ANO3: variants seen among roughly 807,000 people sequenced by gnomAD.
ANO3 encodes anoctamin 3, also known as anoctamin-3.
Under a neutral mutation model 144.8 loss-of-function variants are expected in ANO3, and 99 were observed. The ratio of observed to expected loss-of-function variants is 0.68; its 90% CI spans 0.58 to 0.81. The LOEUF (loss-of-function observed/expected upper bound fraction) is 0.81, where lower values mean the gene tolerates loss of function less well. Among genes scored for constraint, ANO3 ranks in the 30% least tolerant of loss-of-function variants. ANO3 has a pLI of 0.00. For synonymous variants in ANO3, 414 were observed against 392.6 expected (o/e 1.05, Z -0.64); for missense variants, 905 against 1,202.2 (o/e 0.75, Z 3.66).
intron 1 of ANO3, among the ~76,000 whole-genome samples, chr11:26,202,756 C>G (rs958831643): frequency 2.0e-5 from 3 of 151,950 alleles, no homozygotes; most frequent in Non-Finnish European, 4.4e-5. Flanking sequence ...TAATGCCAAC[C>G]CAGAAACCAT....
At chr11:26,387,153 T>C (rs1450484873) in intron 1 of ANO3, among the ~76,000 whole-genome samples, 2 of 135,824 alleles carry the variant, frequency 1.5e-5, no homozygotes, top group Non-Finnish European at 3.2e-5. Flanking sequence ...TTTTTTTTTT[T>C]AGTAGAGACA....
chr11:26,504,322 C>A (rs1444966266), intron 4 of ANO3, among the ~76,000 whole-genome samples: 2 of 152,124 alleles, frequency 1.3e-5, no homozygotes, highest in Non-Finnish European at 2.9e-5. Context: ...ATACATAGAA[C>A]TATGCGTATT....
chr11:26,275,479 A>C (rs950662279), intron 1 of ANO3, among the ~76,000 whole-genome samples: 2 of 152,122 alleles, frequency 1.3e-5, no homozygotes, highest in African/African-American at 4.8e-5. Context: ...TAAATGCTGA[A>C]GCCCATAGTT....
chr11:26,369,003 T>C lies in ANO3; in HGVS notation c.46+36682T>C, dbSNP rs115866743. Among the ~76,000 whole-genome samples the C allele has an allele frequency of 9.0e-3, 1,371 of 152,270 alleles. 13 individuals are homozygous for C. The highest frequency in any genetic ancestry group is 0.03 in the African/African-American group (1,265 of 41,552). Reference sequence around the variant, plus strand: ...AGCATAAAGATCTACAGTCATGTCATAGGCAATTTCATTCCCCCCCAGCAG... The same window carrying C: ...AGCATAAAGATCTACAGTCATGTCACAGGCAATTTCATTCCCCCCCAGCAG... On this transcript the variant is annotated intron_variant, in intron 1 of 26. Transcript: ENST00000256737.
chr11:26,388,189 T>C (rs1856784864), intron 1 of ANO3, among the ~76,000 whole-genome samples: 1 of 151,618 alleles, frequency 6.6e-6, no homozygotes, highest in Non-Finnish European at 1.5e-5. Context: ...ATATTTATGG[T>C]CTATTATGTC....
chr11:26,231,263 C>A (rs1215702551), intron 1 of ANO3, among the ~76,000 whole-genome samples: 1 of 152,128 alleles, frequency 6.6e-6, no homozygotes, highest in Non-Finnish European at 1.5e-5. Context: ...ACCTCGGGAG[C>A]CTTGGCCTAT....
intron 1 of ANO3, among the ~76,000 whole-genome samples, chr11:26,271,055 T>C (rs12419504): frequency 6.6e-6 from 1 of 152,072 alleles, no homozygotes; most frequent in African/African-American, 2.4e-5. Flanking sequence ...GACCAGATCT[T>C]GGAGGGATGA....
intron 17 of ANO3, among the ~76,000 whole-genome samples, chr11:26,621,283 T>C (rs1005329033): frequency 1.4e-4 from 21 of 152,154 alleles, no homozygotes; most frequent in African/African-American, 5.1e-4. Context: ...TGAAAAAGTG[T>C]TTCCCTGTGA....
At chr11:26,552,975 A>G (rs915248554) in intron 12 of ANO3, among the ~76,000 whole-genome samples, 7 of 11,060 alleles carry the variant, frequency 6.3e-4, no homozygotes, top group African/African-American at 2.1e-3. Context: ...TAAAAGTGTC[A>G]TTGTAGACAA....
intron 1 of ANO3, among the ~76,000 whole-genome samples, chr11:26,298,535 T>C (rs1854145145): frequency 6.6e-6 from 1 of 152,166 alleles, no homozygotes; most frequent in Non-Finnish European, 1.5e-5. Context: ...CGTTTTCAAA[T>C]AATTATTCTG....
chr11:26,518,594 T>G (rs1343236435), intron 6 of ANO3, among the ~76,000 whole-genome samples: 1 of 152,006 alleles, frequency 6.6e-6, no homozygotes, highest in Non-Finnish European at 1.5e-5. Context: ...AGTTGAAACA[T>G]GTATAAAAAT....
chr11:26,316,587 A>C (rs1312246007), intron 1 of ANO3, among the ~76,000 whole-genome samples: 1 of 152,216 alleles, frequency 6.6e-6, no homozygotes, highest in South Asian at 2.1e-4. Context: ...GAAACTAGAC[A>C]ACCGGTTAGA....
chr11:26,384,622 G>A (rs938376589), intron 1 of ANO3, among the ~76,000 whole-genome samples: 1 of 151,944 alleles, frequency 6.6e-6, no homozygotes, highest in African/African-American at 2.4e-5. Context: ...AGTCCTTTTA[G>A]TTCTACTCCA....
chr11:26,410,781 G>A (rs966545793), intron 1 of ANO3, among the ~76,000 whole-genome samples: 1 of 151,974 alleles, frequency 6.6e-6, no homozygotes, highest in Non-Finnish European at 1.5e-5. Flanking sequence ...TGTAGAATAG[G>A]CTACACCGAG....
intron 1 of ANO3, among the ~76,000 whole-genome samples, chr11:26,326,721 T>G (rs1854893457): frequency 6.6e-6 from 1 of 152,044 alleles, no homozygotes; most frequent in Non-Finnish European, 1.5e-5. Flanking sequence ...TACAAACACC[T>G]AAACAACCAA....
intron 1 of ANO3, among the ~76,000 whole-genome samples, chr11:26,422,429 A>G (rs538993160): frequency 1.3e-5 from 2 of 152,084 alleles, no homozygotes; most frequent in Non-Finnish European, 2.9e-5. Context: ...CTGTAATTAC[A>G]TGTCTTGGAC....
At chr11:26,480,314 G>C (rs1478191415) in intron 4 of ANO3, among the ~76,000 whole-genome samples, 1 of 152,106 alleles carries the variant, frequency 6.6e-6, no homozygotes, top group Non-Finnish European at 1.5e-5. Flanking sequence ...CCAGTTCACT[G>C]GTCTTCCATG....
chr11:26,318,632 A>C (rs1481090436), intron 1 of ANO3, among the ~76,000 whole-genome samples: 1 of 152,214 alleles, frequency 6.6e-6, no homozygotes, highest in Non-Finnish European at 1.5e-5. Flanking sequence ...TTTGGAAGAG[A>C]CTTTGTGTGG....
At chr11:26,243,352 C>T (rs1215484806) in intron 1 of ANO3, among the ~76,000 whole-genome samples, 3 of 149,640 alleles carry the variant, frequency 2.0e-5, no homozygotes, top group Non-Finnish European at 4.4e-5. Flanking sequence ...TTTTTTTTCA[C>T]AGGACTTCCC....
Sources: allele counts gnomAD v4.1 joint callset (sites outside exome capture counted in the v4.1 genomes callset), GRCh38; gene constraint gnomAD v4.1.1; transcripts MANE v1.5; gene names NCBI Gene and HGNC (gene_info 2026-07-23, HGNC 2026-07-21).